DENND4C: variants seen among roughly 807,000 people sequenced by gnomAD.
The protein encoded by DENND4C is DENN domain-containing protein 4C.
A neutral mutation model predicts 203.0 loss-of-function variants in DENND4C; 108 were observed. The observed-to-expected ratio is 0.53, with a 90% CI of 0.46 to 0.62. The LOEUF (loss-of-function observed/expected upper bound fraction) is 0.62, where lower values mean the gene tolerates loss of function less well. Ranked by LOEUF, DENND4C falls within the 20% of genes least tolerant of loss-of-function variation. The probability of loss-of-function intolerance (pLI) is 0.00; values close to 1 mark genes in which losing one functional copy is unlikely to be tolerated. For synonymous variants in DENND4C, 871 were observed against 792.4 expected, an observed-to-expected ratio of 1.10 and a Z score of -1.67; for missense variants, 2,481 against 2,301.2, an observed-to-expected ratio of 1.08 and a Z score of -1.60.
intron 12 of DENND4C, 54 bp from the exon 13 acceptor site, chr9:19,324,308 T>A: frequency 7.3e-7 from 1 of 1,372,348 alleles, no homozygotes; most frequent in Non-Finnish European, 1.0e-6. Context: ...ATGTTTCCTA[T>A]AATATCGAAT....
In DENND4C at chr9:19,335,121, A is replaced by G; in HGVS notation, c.2589+16A>G. ...TTATAATAAGGTAAGTAGGATCGAC[A>G]TTAGGCAAGATGTGGTGTTTATTAA... On this transcript the variant is annotated intron_variant, in intron 18 of 32. Coordinates refer to ENST00000434457, the MANE Select transcript of DENND4C (RefSeq NM_001330640.2). 2 of 1,521,432 alleles carry G rather than the reference A, an allele frequency of 1.3e-6. No individual in the cohort carries two copies. The highest frequency in any genetic ancestry group is 1.8e-6 in the Non-Finnish European group (2 of 1,131,552). 94.2% of individuals were successfully genotyped at this position (1,521,432 alleles called of 1,614,324 possible).
Position 19,238,037 on chromosome 9 carries a change from G to A in DENND4C, c.-18+7204G>A, listed in dbSNP as rs147455771. ...CAGGAGAGCTGTGCTCCCACTGTAG[G>A]CTCTAGGGAAGACCCCTCCTTGACT... On this transcript the variant is annotated intron_variant, in intron 1 of 32. Transcript: ENST00000434457. 3.6e-3 allele frequency among the ~76,000 whole-genome samples: 539 copies of A among 151,804 alleles called. 1 individual carries two copies. The highest frequency in any genetic ancestry group is 0.012 in the African/African-American group (497 of 41,392).
rs1826622881 is a variant in DENND4C at position 19,362,109 on chromosome 9, A to G, written c.5524+146A>G. 17 of 517,066 alleles carry G rather than the reference A, an allele frequency of 3.3e-5. No individual in the cohort carries two copies. In the South Asian group the frequency reaches 3.7e-4, roughly 11 times the overall value. The allele number at this position is 517,066 out of a possible 1,614,324, so 32.0% of individuals were successfully genotyped here. A position where few individuals can be genotyped will look rare whatever the true frequency, so the allele number is the denominator to read the frequency against. Reference sequence around the variant, plus strand: ...GCCAACATGGTGAAATCCTGTCTCTATTAAAAATACAAAACTTAGCCAGGT... The same window carrying G: ...GCCAACATGGTGAAATCCTGTCTCTGTTAAAAATACAAAACTTAGCCAGGT... On this transcript the variant is annotated intron_variant, in intron 30 of 32. Coordinates refer to ENST00000434457, the MANE Select transcript of DENND4C (RefSeq NM_001330640.2).
intron 12 of DENND4C, among the ~76,000 whole-genome samples, chr9:19,322,648 A>C (rs1362348248): frequency 1.3e-5 from 2 of 150,640 alleles, no homozygotes; most frequent in Non-Finnish European, 3.0e-5. Context: ...AGGCAGGAGA[A>C]TGGCATGAAC....
intron 13 of DENND4C, among the ~76,000 whole-genome samples, 159 bp from the exon 14 acceptor site, chr9:19,325,780 C>T (rs1338627174): frequency 4.6e-5 from 7 of 152,048 alleles, no homozygotes; most frequent in Non-Finnish European, 1.5e-5. Context: ...TATGCTTTAG[C>T]CTAAGAGTAT....
At chr9:19,257,247 T>C in intron 1 of DENND4C, among the ~76,000 whole-genome samples, 1 of 151,372 alleles carries the variant, frequency 6.6e-6, no homozygotes, top group Non-Finnish European at 1.5e-5. Context: ...TCCCAGCTAC[T>C]CAGGAGGCTG....
intron 1 of DENND4C, among the ~76,000 whole-genome samples, chr9:19,262,135 G>A (rs1009404323): frequency 2.0e-4 from 27 of 132,658 alleles, no homozygotes; most frequent in Non-Finnish European, 3.7e-4. Context: ...CGCCCAGGCT[G>A]GAGTGCAGTG....
Position 19,357,026 on chromosome 9 carries a change from A to T in DENND4C, c.4836A>T (p.Pro1612=). The T allele has an allele frequency of 6.2e-7, 1 of 1,613,954 alleles. No individual in the cohort carries two copies. The highest frequency in any genetic ancestry group is 1.1e-5 in the South Asian group (1 of 91,074). Residue 1612 remains proline, a synonymous_variant, in exon 27 of 33, where the codon CCA becomes CCT. Coordinates refer to ENST00000434457, the MANE Select transcript of DENND4C (RefSeq NM_001330640.2). Reference sequence around the variant, plus strand: ...ACAGTTTACAAAGTGGAAGCATTCCATTGGCAAATGAATCCTTGGAGCACA... The same window carrying T: ...ACAGTTTACAAAGTGGAAGCATTCCTTTGGCAAATGAATCCTTGGAGCACA... ...SGDSLQSGSI[P]LANESLEHKP...
intron 16 of DENND4C, among the ~76,000 whole-genome samples, chr9:19,328,705 A>G (rs1348170389): frequency 6.7e-6 from 1 of 149,040 alleles, no homozygotes; most frequent in South Asian, 2.1e-4. Flanking sequence ...CTGTCTATCT[A>G]TCAATCAAGG....
At chr9:19,357,766 C>T in intron 27 of DENND4C, 199 bp from the exon 28 acceptor site, 1 of 475,850 alleles carries the variant, frequency 2.1e-6, no homozygotes, top group Non-Finnish European at 3.7e-6. Context: ...CACCCCTCAC[C>T]AGAACCATCT....
chr9:19,282,046 A>G (rs1379775241), intron 2 of DENND4C, among the ~76,000 whole-genome samples: 4 of 152,196 alleles, frequency 2.6e-5, no homozygotes, highest in East Asian at 1.9e-4. Flanking sequence ...ACTGTATACT[A>G]CTATAGACTT....
intron 1 of DENND4C, among the ~76,000 whole-genome samples, chr9:19,238,186 G>A (rs1301419960): frequency 5.3e-5 from 8 of 151,318 alleles, no homozygotes; most frequent in African/African-American, 1.9e-4. Flanking sequence ...GGATTCAAGC[G>A]ATTCTCCTGC....
intron 7 of DENND4C, 143 bp downstream of exon 7, chr9:19,298,265 A>T: frequency 3.1e-6 from 2 of 636,330 alleles, no homozygotes; most frequent in South Asian, 5.5e-5. Context: ...TTGTAGCTTT[A>T]CTGAACACCC....
At position 19,346,562 on chromosome 9, in the gene DENND4C, ACTC is replaced by A. The variant is rs751079602; in HGVS notation, c.3796_3798del (p.Pro1266del). On this transcript the variant is annotated inframe_deletion, in exon 23 of 33. Transcript: ENST00000434457. ...AGCCACTGAATGTACAGGAGGAAAA[ACTC>A]CTGATTCTGAAGATAAGTTGTTTTC... The A allele has an allele frequency of 1.2e-6, 2 of 1,613,798 alleles. No homozygotes were observed. The highest frequency in any genetic ancestry group is 1.1e-5 in the South Asian group (1 of 91,060).
At chr9:19,307,866 C>G (rs1287971674) in intron 10 of DENND4C, among the ~76,000 whole-genome samples, 13 of 151,796 alleles carry the variant, frequency 8.6e-5, no homozygotes, top group Admixed American at 7.9e-4. Context: ...GAGAGGAGCT[C>G]CAGATCCAAC....
At chr9:19,329,923 A>G (rs748224102) in intron 16 of DENND4C, among the ~76,000 whole-genome samples, 6 of 152,240 alleles carry the variant, frequency 3.9e-5, no homozygotes, top group Non-Finnish European at 7.3e-5. Flanking sequence ...GTTAAAATTA[A>G]ACATCCTTTA....
intron 1 of DENND4C, among the ~76,000 whole-genome samples, chr9:19,257,678 T>C (rs1418953983): frequency 6.6e-6 from 1 of 152,106 alleles, no homozygotes; most frequent in East Asian, 1.9e-4. Flanking sequence ...AAGATACAAA[T>C]TACTGATATC....
intron 5 of DENND4C, among the ~76,000 whole-genome samples, chr9:19,295,153 C>G (rs1837171529): frequency 6.6e-6 from 1 of 151,658 alleles, no homozygotes; most frequent in Admixed American, 6.6e-5. Flanking sequence ...TGGTGGATCA[C>G]CAGGTCAGGA....
intron 17 of DENND4C, among the ~76,000 whole-genome samples, chr9:19,334,463 T>C (rs1031240557): frequency 1.1e-4 from 17 of 151,938 alleles, no homozygotes; most frequent in African/African-American, 3.6e-4. Flanking sequence ...ATATGTCTTA[T>C]ATGAAATGGT....
Sources: allele counts gnomAD v4.1 joint callset (sites outside exome capture counted in the v4.1 genomes callset), GRCh38; gene constraint gnomAD v4.1.1; transcripts MANE v1.5; gene names NCBI Gene and HGNC (gene_info 2026-07-23, HGNC 2026-07-21).